IQCH: variants seen among roughly 807,000 people sequenced by gnomAD.
IQCH encodes IQ domain-containing protein H.
Under a neutral mutation model 117.0 loss-of-function variants are expected in IQCH, and 98 were observed. That is an observed-to-expected ratio of 0.84 (90% CI 0.71 to 0.99). The LOEUF is 0.99. Among genes scored for constraint, IQCH ranks in the 50% least tolerant of loss-of-function variants. The pLI, the probability that IQCH is intolerant of heterozygous loss-of-function variation, is 0.00. For missense variants in IQCH, 1,102 were observed against 1,243.8 expected (o/e 0.89, Z 1.72); for synonymous variants, 412 against 448.2 (o/e 0.92, Z 1.02).
intron 16 of IQCH, among the ~76,000 whole-genome samples, chr15:67,462,425 C>T (rs2082821621): frequency 7.2e-6 from 1 of 139,040 alleles, no homozygotes; most frequent in African/African-American, 2.9e-5. Context: ...GAGACTCCAT[C>T]TCAAAAAAAA....
chr15:67,302,789 G>A (rs1183079162), intron 4 of IQCH, among the ~76,000 whole-genome samples: 2 of 152,094 alleles, frequency 1.3e-5, no homozygotes, highest in Non-Finnish European at 1.5e-5. Flanking sequence ...CCTGGGAGGC[G>A]GAGGTTTCAG....
At chr15:67,489,605 C>T (rs4776936) in intron 18 of IQCH, among the ~76,000 whole-genome samples, 129,244 of 151,624 alleles carry the variant, frequency 0.85, 55,148 homozygotes, top group Middle Eastern at 0.89. Flanking sequence ...CGTGAGTCAC[C>T]GTGCCCAGCC....
intron 18 of IQCH, among the ~76,000 whole-genome samples, chr15:67,477,160 C>T (rs528670900): frequency 6.7e-6 from 1 of 149,054 alleles, no homozygotes; most frequent in East Asian, 2.0e-4. Flanking sequence ...AAGTGATTCT[C>T]CTGCCTCAGC....
chr15:67,425,537 A>C lies in IQCH; in HGVS notation c.2505+3960A>C, dbSNP rs549191616. Among the ~76,000 whole-genome samples the C allele has an allele frequency of 4.2e-4, 64 of 152,262 alleles. No individual in the cohort carries two copies. Among genetic ancestry groups the C allele is most frequent in the Non-Finnish European group, 8.4e-4 (57 of 68,014 alleles). On this transcript the variant is annotated intron_variant, in intron 16 of 20. Coordinates refer to ENST00000335894, the MANE Select transcript of IQCH (RefSeq NM_001031715.3). This position sits in a 1 kb window ranked among gnomAD's most constrained non-coding sequence, Gnocchi z 5.5. ...TAAGGCAGGAGAATCACTTGAACCCAGGAGGTGGAGGTTGCAGTGAGCCAA... is the reference window on the plus strand; with the variant it reads ...TAAGGCAGGAGAATCACTTGAACCCCGGAGGTGGAGGTTGCAGTGAGCCAA...
chr15:67,440,041 C>A (rs1258190682), intron 16 of IQCH, among the ~76,000 whole-genome samples: 1 of 151,824 alleles, frequency 6.6e-6, no homozygotes, highest in Non-Finnish European at 1.5e-5. Flanking sequence ...GGAGATATTA[C>A]AACTGACACC....
In IQCH at chr15:67,388,023, A is replaced by G. The variant is rs550614248; in HGVS notation, c.1457-808A>G. ...ATTTAGCCAAGGGCTTTGCCCCTAC[A>G]GATCAGTCAGCTATTTTGTGAATGA... is the stretch of plus-strand genomic sequence containing the variant. On this transcript the variant is annotated intron_variant, in intron 11 of 20. Coordinates refer to ENST00000335894, the MANE Select transcript of IQCH (RefSeq NM_001031715.3). This position sits in a 1 kb window ranked among gnomAD's most constrained non-coding sequence, Gnocchi z 5.5. Among the ~76,000 whole-genome samples the G allele has an allele frequency of 3.3e-4, 51 of 152,330 alleles. No homozygotes were observed. Among genetic ancestry groups the G allele is most frequent in the African/African-American group, 1.2e-3 (50 of 41,584 alleles).
Position 67,356,227 on chromosome 15 carries a change from TAAAATGG to T in IQCH, c.638-1117_638-1111del, listed in dbSNP as rs937833200. 2.0e-5 allele frequency among the ~76,000 whole-genome samples: 3 copies of T among 152,034 alleles called. No homozygotes were observed. Among genetic ancestry groups the T allele is most frequent in the African/African-American group, 7.2e-5 (3 of 41,386 alleles). ...GAACTGAAGGCAAAAACTATACCCT[TAAAATGG>T]GGTCTTCATACACTACTGGCCAGGG... On this transcript the variant is annotated intron_variant, in intron 6 of 20. Transcript: ENST00000335894. The surrounding 1 kb of genome is among the most constrained non-coding windows in gnomAD (Gnocchi z 5.3).
At chr15:67,338,843 C>T (rs1230128263) in intron 5 of IQCH, among the ~76,000 whole-genome samples, 3 of 152,106 alleles carry the variant, frequency 2.0e-5, no homozygotes, top group Non-Finnish European at 2.9e-5. Context: ...CCCTCACCTA[C>T]ATCTCCATTT....
At chr15:67,268,595 A>G (rs992106335) in intron 3 of IQCH, among the ~76,000 whole-genome samples, 1 of 152,222 alleles carries the variant, frequency 6.6e-6, no homozygotes, top group African/African-American at 2.4e-5. Flanking sequence ...AGGAAAAGAA[A>G]AGAAAAGAAA....
rs1045110432 is a variant in IQCH at position 67,413,574 on chromosome 15, T to C, written c.2098-3357T>C. The C allele has an allele frequency of 5.9e-5, 9 of 152,226 alleles. No homozygotes were observed. The highest frequency in any genetic ancestry group is 9.6e-5 in the African/African-American group (4 of 41,458). 9.4% of individuals were successfully genotyped at this position (152,226 alleles called of 1,614,324 possible). On this transcript the variant is annotated intron_variant, in intron 14 of 20. Coordinates refer to ENST00000335894, the MANE Select transcript of IQCH (RefSeq NM_001031715.3). This position sits in a 1 kb window ranked among gnomAD's most constrained non-coding sequence, Gnocchi z 5.0. ...TGTAGGGATAGGAAGACAATTTTCATTGGTGCTGAGGCCATTCTTAGTATA... is the reference window on the plus strand; with the variant it reads ...TGTAGGGATAGGAAGACAATTTTCACTGGTGCTGAGGCCATTCTTAGTATA...
intron 4 of IQCH, among the ~76,000 whole-genome samples, chr15:67,284,126 A>G (rs1966469446): frequency 6.6e-6 from 1 of 152,114 alleles, no homozygotes; most frequent in African/African-American, 2.4e-5. Flanking sequence ...TTACTATCAA[A>G]TACTAGTTCT....
chr15:67,321,562 T>C (rs149876805), intron 4 of IQCH, among the ~76,000 whole-genome samples: 2 of 151,130 alleles, frequency 1.3e-5, no homozygotes, highest in East Asian at 3.9e-4. Context: ...TTCCTTTCTT[T>C]CTCTCCCTTT....
rs2140995079 is a variant in IQCH at position 67,453,131 on chromosome 15, T to G, written c.2506-11996T>G. On this transcript the variant is annotated intron_variant, in intron 16 of 20. Transcript: ENST00000335894. The surrounding 1 kb of genome is among the most constrained non-coding windows in gnomAD (Gnocchi z 5.8). ...TATTCTAGTTATCCATTCGTCTAAT[T>G]TTTTTTCAAAGCTTTTAACTTCTTT... Among the ~76,000 whole-genome samples, 1 of 152,296 alleles carries G rather than the reference T, an allele frequency of 6.6e-6. No homozygotes were observed. Among genetic ancestry groups the G allele is most frequent in the South Asian group, 2.1e-4 (1 of 4,824 alleles).
At chr15:67,414,882 G>A (rs2081538796) in intron 14 of IQCH, among the ~76,000 whole-genome samples, 1 of 151,822 alleles carries the variant, frequency 6.6e-6, no homozygotes, top group African/African-American at 2.4e-5. Context: ...ATTTAATCAA[G>A]GCAGAACAAA....
At chr15:67,477,941 T>G (rs1327616842) in intron 18 of IQCH, among the ~76,000 whole-genome samples, 3 of 152,224 alleles carry the variant, frequency 2.0e-5, no homozygotes, top group Non-Finnish European at 4.4e-5. Flanking sequence ...TATAAGTTAT[T>G]TACTCCTTTG....
In IQCH at chr15:67,474,076, G is replaced by A. The variant is rs1373094946; in HGVS notation, c.2677-1620G>A. On this transcript the variant is annotated intron_variant, in intron 17 of 20. Coordinates refer to ENST00000335894, the MANE Select transcript of IQCH (RefSeq NM_001031715.3). The surrounding 1 kb of genome is among the most constrained non-coding windows in gnomAD (Gnocchi z 4.1). ...AGTGCCACGAAATCTGAGTGTGTGT[G>A]TGTGTGTGTGTGTGTGTGTGTGTGT... Among the ~76,000 whole-genome samples the A allele has an allele frequency of 1.3e-5, 2 of 149,094 alleles. No individual in the cohort carries two copies. Among genetic ancestry groups the A allele is most frequent in the Non-Finnish European group, 3.0e-5 (2 of 67,348 alleles).
intron 4 of IQCH, among the ~76,000 whole-genome samples, chr15:67,286,594 A>G (rs1177569502): frequency 2.0e-5 from 2 of 102,506 alleles, no homozygotes; most frequent in Non-Finnish European, 4.5e-5. Context: ...TTATTTATTT[A>G]TTTATTTATT....
At position 67,386,240 on chromosome 15, in the gene IQCH, A is replaced by G. The variant is rs1420104720; in HGVS notation, c.1456+1221A>G. On this transcript the variant is annotated intron_variant, in intron 11 of 20. Coordinates refer to ENST00000335894, the MANE Select transcript of IQCH (RefSeq NM_001031715.3). The surrounding 1 kb of genome is among the most constrained non-coding windows in gnomAD (Gnocchi z 5.0). ...TCTTCAGCTTTTTATATCTCTTTCT[A>G]TATATAGTATAAGCCATCACGAAAT... Among the ~76,000 whole-genome samples, 1 of 152,116 alleles carries G rather than the reference A, an allele frequency of 6.6e-6. No homozygotes were observed. Among genetic ancestry groups the G allele is most frequent in the African/African-American group, 2.4e-5 (1 of 41,418 alleles).
chr15:67,326,115 A>G (rs990159942), intron 4 of IQCH, among the ~76,000 whole-genome samples: 3 of 151,672 alleles, frequency 2.0e-5, no homozygotes, highest in African/African-American at 4.8e-5. Context: ...GTCCCTCCCC[A>G]CTACCCCCAC....
Sources: allele counts gnomAD v4.1 joint callset (sites outside exome capture counted in the v4.1 genomes callset), GRCh38; gene constraint gnomAD v4.1.1; non-coding constraint Gnocchi (gnomAD v3.1); transcripts MANE v1.5; gene names NCBI Gene and HGNC (gene_info 2026-07-23, HGNC 2026-07-21).